Variants in ARL1 observed in about 807,000 individuals in gnomAD.
The protein encoded by ARL1 is ARF like GTPase 1, also known as ADP-ribosylation factor-like protein 1.
Under a neutral mutation model 30.1 loss-of-function variants are expected in ARL1, and 17 were observed. The observed-to-expected ratio is 0.56, with a 90% CI of 0.39 to 0.85. ARL1 has a LOEUF of 0.85. ARL1 is among the 40% of genes least tolerant of loss of function. The pLI is 0.00. For synonymous variants in ARL1, 58 were observed against 71.7 expected (o/e 0.81, Z 0.97); for missense variants, 102 against 212.6 (o/e 0.48, Z 3.24).
At chr12:101,400,980 C>G in intron 4 of ARL1, 82 bp downstream of exon 4, 1 of 913,468 alleles carries the variant, frequency 1.1e-6, no homozygotes, top group Admixed American at 2.1e-5. Flanking sequence ...AGGGAACAAC[C>G]CCTGCATTCT....
chr12:101,406,041 A>G, intron 1 of ARL1, 60 bp from the exon 2 acceptor site: 1 of 1,357,820 alleles, frequency 7.4e-7, no homozygotes, highest in Non-Finnish European at 1.0e-6. Context: ...GGTATACAAA[A>G]CATCTAACCT....
intron 4 of ARL1, among the ~76,000 whole-genome samples, chr12:101,399,811 T>C (rs552148830): frequency 6.6e-6 from 1 of 152,342 alleles, no homozygotes; most frequent in South Asian, 2.1e-4. Flanking sequence ...TTAACTTCAG[T>C]GAATAAGATG....
intron 3 of ARL1, among the ~76,000 whole-genome samples, chr12:101,401,811 TAAAC>T (rs1285566612): frequency 6.6e-6 from 1 of 152,072 alleles, no homozygotes; most frequent in African/African-American, 2.4e-5. Context: ...TACATCTTCT[TAAAC>T]AAATCTTTAA....
At chr12:101,397,454 G>A (rs559737245) in intron 4 of ARL1, among the ~76,000 whole-genome samples, 27 of 151,808 alleles carry the variant, frequency 1.8e-4, no homozygotes, top group Non-Finnish European at 3.2e-4. Context: ...CTTTGGTTGT[G>A]CCACTGCACT....
chr12:101,398,786 T>C (rs1168954867), intron 4 of ARL1, among the ~76,000 whole-genome samples: 1 of 152,154 alleles, frequency 6.6e-6, no homozygotes, highest in Non-Finnish European at 1.5e-5. Flanking sequence ...ACTTGGCCCA[T>C]ACTTAACATA....
intron 3 of ARL1, among the ~76,000 whole-genome samples, chr12:101,402,254 C>T (rs1871324996): frequency 6.6e-6 from 1 of 152,214 alleles, no homozygotes; most frequent in Non-Finnish European, 1.5e-5. Flanking sequence ...GCGATCTCAG[C>T]TCACTGCAAC....
intron 2 of ARL1, among the ~76,000 whole-genome samples, chr12:101,404,078 C>A (rs372473695): frequency 1.1e-4 from 17 of 152,138 alleles, no homozygotes; most frequent in African/African-American, 4.1e-4. Flanking sequence ...ATGTCTATTA[C>A]AATTAAAAAA....
At chr12:101,405,271 T>G (rs1466672298) in intron 2 of ARL1, among the ~76,000 whole-genome samples, 1 of 152,198 alleles carries the variant, frequency 6.6e-6, no homozygotes, top group Non-Finnish European at 1.5e-5. Flanking sequence ...TAAACTAATC[T>G]TAATTAAAAT....
intron 2 of ARL1, chr12:101,405,595 T>C (rs1244914731): frequency 4.3e-6 from 1 of 232,612 alleles, no homozygotes; most frequent in African/African-American, 2.3e-5. Flanking sequence ...ACAAACTTTA[T>C]CAAATACTTT....
intron 4 of ARL1, chr12:101,400,291 C>CTAG (rs1871268617): frequency 6.6e-6 from 1 of 150,514 alleles, no homozygotes; most frequent in Admixed American, 6.6e-5. Context: ...TGGCTCACAC[C>CTAG]TGTAATCCCA....
At chr12:101,396,099 T>C in intron 5 of ARL1, 1 of 589,924 alleles carries the variant, frequency 1.7e-6, no homozygotes, top group Admixed American at 3.1e-5. Flanking sequence ...GAAAAGCTCT[T>C]CAGAAGAGAG....
intron 4 of ARL1, among the ~76,000 whole-genome samples, chr12:101,397,126 G>A (rs1871173425): frequency 6.6e-6 from 1 of 152,076 alleles, no homozygotes; most frequent in African/African-American, 2.4e-5. Context: ...TGGAGTCAAA[G>A]TATGAACAGT....
rs1212373336 is a variant in ARL1 at position 101,405,053 on chromosome 12, T to G, written c.142+791A>C. 2.6e-5 allele frequency among the ~76,000 whole-genome samples: 4 copies of G among 152,102 alleles called. No homozygotes were observed. The East Asian group carries it at 7.7e-4, about 29-fold the overall frequency. On this transcript the variant is annotated intron_variant, in intron 2 of 5. Coordinates refer to ENST00000261636, the MANE Select transcript of ARL1 (RefSeq NM_001177.6). Reference sequence around the variant, plus strand: ...CGCCTGGCTAATTTTGTATTTTTAGTAGAGATGGGGTTTCTCCATGTTGGT... The same window carrying G: ...CGCCTGGCTAATTTTGTATTTTTAGGAGAGATGGGGTTTCTCCATGTTGGT...
At position 101,396,593 on chromosome 12, in the gene ARL1, A is replaced by G. The variant is rs775194143; in HGVS notation, c.337-16T>C. The G allele has an allele frequency of 1.2e-6, 2 of 1,600,426 alleles. No individual in the cohort carries two copies. The highest frequency in any genetic ancestry group is 3.4e-5 in the Admixed American group (2 of 58,986). On this transcript the variant is annotated splice_polypyrimidine_tract_variant and intron_variant, in intron 4 of 5. Coordinates refer to ENST00000261636, the MANE Select transcript of ARL1 (RefSeq NM_001177.6). ...GCTCTTCTTCCTAAATGAAATTGAA[A>G]ATATTTAATTTCTTTTAACTAATGT...
chr12:101,400,089 G>A (rs949204361), intron 4 of ARL1, among the ~76,000 whole-genome samples: 22 of 151,762 alleles, frequency 1.4e-4, no homozygotes, highest in Non-Finnish European at 1.9e-4. Flanking sequence ...CACCATGCCC[G>A]GTTAATTTTC....
chr12:101,403,088 G>A (rs761427807), intron 2 of ARL1, 142 bp from the exon 3 acceptor site: 4 of 484,214 alleles, frequency 8.3e-6, no homozygotes, highest in African/African-American at 4.0e-5. Context: ...CTTAGGATTC[G>A]AGTTAAAAAG....
chr12:101,395,651 T>G lies in ARL1; in HGVS notation c.535A>C (p.Ser179Arg). 1 of 1,574,990 alleles carries G rather than the reference T, an allele frequency of 6.3e-7. No homozygotes were observed. The highest frequency in any genetic ancestry group is 1.2e-5 in the South Asian group (1 of 86,014). The stretch of plus-strand genomic sequence containing the variant: ...AAGAATGGACTGAATTACTGTCTGC[T>G]TTTTAATGTTTCAACTAACCTGTAA... ...AMEWLVETLK[S>R]RQ Residue 179 changes from serine (S) to arginine (R), a missense_variant, in exon 6 of 6, where the codon AGC becomes CGC. Ser to Arg is a moderately radical substitution (Grantham distance 110). Transcript: ENST00000261636.
Position 101,396,464 on chromosome 12 carries a change from G to T in ARL1, c.450C>A (p.Asp150Glu). 1 of 1,613,952 alleles carries T rather than the reference G, an allele frequency of 6.2e-7. No homozygotes were observed. The highest frequency in any genetic ancestry group is 8.5e-7 in the Non-Finnish European group (1 of 1,179,896). Residue 150 changes from aspartate (D) to glutamate (E), a missense_variant, in exon 5 of 6, where the codon GAC becomes GAA. By Grantham distance (45) the Asp-to-Glu change is conservative. Transcript: ENST00000261636. ...ANSLGLPALK[D>E]RKWQIFKTSA... ...ACGTTTTGAATATCTGCCATTTTCG[G>T]TCCTTCAAGGCAGGTAACCCAAGTG...
chr12:101,401,364 C>T (rs750389991), intron 3 of ARL1, 191 bp from the exon 4 acceptor site: 21 of 439,954 alleles, frequency 4.8e-5, no homozygotes, highest in Non-Finnish European at 7.3e-5. Flanking sequence ...TGGCTGGGCA[C>T]GGTGGCTCAC....
Sources: allele counts gnomAD v4.1 joint callset (sites outside exome capture counted in the v4.1 genomes callset), GRCh38; gene constraint gnomAD v4.1.1; transcripts MANE v1.5; gene names NCBI Gene and HGNC (gene_info 2026-07-23, HGNC 2026-07-21).